The following RPS6KA6 variants were observed in gnomAD, a reference collection of about 807,000 sequenced individuals.
RPS6KA6 encodes ribosomal protein S6 kinase A6.
A neutral mutation model predicts 65.4 loss-of-function variants in RPS6KA6; 27 were observed. The ratio of observed to expected loss-of-function variants is 0.41; its 90% CI spans 0.30 to 0.57. The LOEUF (loss-of-function observed/expected upper bound fraction) is 0.57. Among genes scored for constraint, RPS6KA6 ranks in the 20% least tolerant of loss-of-function variants. The probability of loss-of-function intolerance (pLI) is 0.24; values close to 1 mark genes in which losing one functional copy is unlikely to be tolerated. For synonymous variants in RPS6KA6, 190 were observed against 184.2 expected, an observed-to-expected ratio of 1.03 and a Z score of -0.26; for missense variants, 486 against 555.6, an observed-to-expected ratio of 0.87 and a Z score of 1.26.
intron 12 of RPS6KA6, among the ~76,000 whole-genome samples, chrX:84,109,540 C>T (rs909103023): frequency 9.9e-5 from 11 of 110,685 alleles, no homozygotes; most frequent in Admixed American, 8.5e-4. Context: ...ATTCTGTGGG[C>T]GCTCCCGAGA....
chrX:84,145,940 A>T (rs2035191088), intron 5 of RPS6KA6, among the ~76,000 whole-genome samples: 1 of 111,773 alleles, frequency 8.9e-6, no homozygotes, highest in African/African-American at 3.2e-5. Context: ...ACATTTTTCA[A>T]CAGCTTCCTC....
intron 1 of RPS6KA6, among the ~76,000 whole-genome samples, chrX:84,184,829 CAAAAAAAAA>C (rs11445430): frequency 5.0e-5 from 1 of 20,058 alleles, no homozygotes; most frequent in Non-Finnish European, 8.3e-5. Flanking sequence ...GACCCTGACT[CAAAAAAAAA>C]AAAAAAAAAA....
At chrX:84,153,964 C>T (rs2035371888) in intron 3 of RPS6KA6, among the ~76,000 whole-genome samples, 1 of 111,587 alleles carries the variant, frequency 9.0e-6, no homozygotes, top group South Asian at 3.7e-4. Context: ...TGAATTTAAG[C>T]ACTACATTGA....
At chrX:84,184,841 A>AC (rs1480654806) in intron 1 of RPS6KA6, among the ~76,000 whole-genome samples, 3 of 107,622 alleles carry the variant, frequency 2.8e-5, no homozygotes, top group Non-Finnish European at 5.8e-5. Flanking sequence ...AAAAAAAAAA[A>AC]AAAAAAAAAA....
intron 2 of RPS6KA6, among the ~76,000 whole-genome samples, chrX:84,160,776 T>C (rs1267446244): frequency 4.5e-5 from 5 of 110,971 alleles, no homozygotes; most frequent in African/African-American, 6.6e-5. Context: ...TATGGGGTCA[T>C]TGAAAACCAT....
chrX:84,140,470 C>G (rs772197257), intron 6 of RPS6KA6, among the ~76,000 whole-genome samples: 1 of 110,591 alleles, frequency 9.0e-6, no homozygotes, highest in South Asian at 3.9e-4. Flanking sequence ...GGCACTGGGG[C>G]TCATGCCTGT....
At chrX:84,082,920 T>C (rs1168735458) in intron 20 of RPS6KA6, among the ~76,000 whole-genome samples, 1 of 112,016 alleles carries the variant, frequency 8.9e-6, no homozygotes, top group Non-Finnish European at 1.9e-5. Context: ...CTGGATCCCT[T>C]CCTCACACCT....
chrX:84,131,142 G>A (rs1925173023), intron 8 of RPS6KA6, among the ~76,000 whole-genome samples: 1 of 111,660 alleles, frequency 9.0e-6, no homozygotes, highest in African/African-American at 3.3e-5. Context: ...ATGCAGTCAA[G>A]ACACGGGATA....
At chrX:84,154,595 G>A (rs927458138) in intron 3 of RPS6KA6, among the ~76,000 whole-genome samples, 2 of 110,641 alleles carry the variant, frequency 1.8e-5, no homozygotes, top group African/African-American at 6.6e-5. Flanking sequence ...TTAAAATAAA[G>A]TTGTATATAA....
intron 6 of RPS6KA6, among the ~76,000 whole-genome samples, chrX:84,142,163 A>G (rs1414132352): frequency 1.8e-5 from 2 of 111,741 alleles, no homozygotes; most frequent in African/African-American, 6.5e-5. Context: ...AAAGTCATAC[A>G]AAGTATGCTT....
intron 18 of RPS6KA6, among the ~76,000 whole-genome samples, chrX:84,101,192 C>CCTATTGAAT (rs1056097294): frequency 1.8e-5 from 2 of 111,241 alleles, no homozygotes; most frequent in Non-Finnish European, 3.8e-5. Context: ...TATGTAATTA[C>CCTATTGAAT]ATGTCAGTAT....
At chrX:84,129,255 C>G (rs2034851296) in intron 8 of RPS6KA6, among the ~76,000 whole-genome samples, 1 of 111,385 alleles carries the variant, frequency 9.0e-6, no homozygotes, top group African/African-American at 3.3e-5. Context: ...TGCTCAACAT[C>G]ATTGATCACC....
intron 13 of RPS6KA6, among the ~76,000 whole-genome samples, chrX:84,107,329 C>T (rs930000577): frequency 9.0e-6 from 1 of 111,388 alleles, no homozygotes; most frequent in African/African-American, 3.3e-5. Flanking sequence ...ATATATCTCA[C>T]GTCTTACCTC....
intron 12 of RPS6KA6, among the ~76,000 whole-genome samples, chrX:84,115,150 T>C (rs2034539813): frequency 9.0e-6 from 1 of 111,716 alleles, no homozygotes; most frequent in Non-Finnish European, 1.9e-5. Flanking sequence ...AAATAATCAA[T>C]AGAGTAAAAA....
intron 8 of RPS6KA6, among the ~76,000 whole-genome samples, chrX:84,127,296 A>G (rs1327645202): frequency 1.8e-5 from 2 of 111,418 alleles, no homozygotes; most frequent in Non-Finnish European, 3.8e-5. Context: ...GAAGAGGCCA[A>G]TAACAATTAG....
intron 20 of RPS6KA6, among the ~76,000 whole-genome samples, chrX:84,081,529 A>T (rs936620212): frequency 2.7e-5 from 3 of 111,971 alleles, no homozygotes; most frequent in Non-Finnish European, 5.6e-5. Flanking sequence ...GCCAACTTCT[A>T]CCAGAGATGC....
Position 84,187,959 on chromosome X carries a change from C to A in RPS6KA6, c.-60G>T. On this transcript the variant is annotated 5_prime_UTR_variant, in exon 1 of 22. It adds an upstream start codon to the 5' untranslated region. Coordinates refer to ENST00000262752, the MANE Select transcript of RPS6KA6 (RefSeq NM_014496.5). The stretch of plus-strand genomic sequence containing the variant: ...CCTACCGCTGGCGCGGCCGCGCATC[C>A]TGTCTATTGAACTGGCCCGCCGCCG... 1 of 1,038,269 alleles carries A rather than the reference C, an allele frequency of 9.6e-7. No individual in the cohort carries two copies. The highest frequency in any genetic ancestry group is 3.8e-5 in the East Asian group (1 of 26,517). 85.6% of individuals were successfully genotyped at this position (1,038,269 alleles called of 1,213,427 possible). A position where few individuals can be genotyped will look rare whatever the true frequency, so the allele number is the denominator to read the frequency against.
intron 6 of RPS6KA6, among the ~76,000 whole-genome samples, chrX:84,137,532 C>A (rs1019881783): frequency 9.0e-6 from 1 of 111,158 alleles, no homozygotes; most frequent in East Asian, 2.8e-4. Context: ...CTGACATACA[C>A]GATAAAATTA....
chrX:84,182,912 G>A (rs2147654244), intron 1 of RPS6KA6, among the ~76,000 whole-genome samples: 1 of 112,415 alleles, frequency 8.9e-6, no homozygotes, highest in African/African-American at 3.2e-5. Flanking sequence ...GCTGACTACT[G>A]AAGATGAACA....
Sources: allele counts gnomAD v4.1 joint callset (sites outside exome capture counted in the v4.1 genomes callset), GRCh38; gene constraint gnomAD v4.1.1; transcripts MANE v1.5; gene names NCBI Gene and HGNC (gene_info 2026-07-23, HGNC 2026-07-21).